RPH3AL: variants seen among roughly 807,000 people sequenced by gnomAD.
RPH3AL encodes the protein rab effector Noc2.
In RPH3AL, 38 loss-of-function variants were observed where a neutral mutation model predicts 43.1. The observed-to-expected ratio is 0.88, with a 90% confidence interval of 0.68 to 1.15. The LOEUF (loss-of-function observed/expected upper bound fraction) is 1.15. RPH3AL is among the 50% of genes most tolerant of loss of function. RPH3AL has a pLI of 0.00. For missense variants in RPH3AL, 462 were observed against 423.2 expected, an observed-to-expected ratio of 1.09 and a Z score of -0.81; for synonymous variants, 189 against 176.3, an observed-to-expected ratio of 1.07 and a Z score of -0.57.
chr17:311,108 G>A (rs924736633), intron 5 of RPH3AL, among the ~76,000 whole-genome samples: 2 of 152,000 alleles, frequency 1.3e-5, no homozygotes, highest in South Asian at 4.2e-4. Flanking sequence ...AATGCAGCTC[G>A]TCCCCTGAAA....
intron 5 of RPH3AL, among the ~76,000 whole-genome samples, chr17:315,678 C>G (rs1555520274): frequency 3.3e-4 from 50 of 150,698 alleles, no homozygotes; most frequent in Middle Eastern, 3.4e-3. Context: ...ACCTGTAGTC[C>G]CTGTGACCCC....
At chr17:252,758 T>G (rs73971672) in intron 6 of RPH3AL, among the ~76,000 whole-genome samples, 107 of 152,308 alleles carry the variant, frequency 7.0e-4, no homozygotes, top group African/African-American at 2.5e-3. Context: ...GGGACAGAAG[T>G]GCTTCAGATT....
At chr17:293,706 A>G (rs1473106252) in intron 5 of RPH3AL, among the ~76,000 whole-genome samples, 1 of 152,154 alleles carries the variant, frequency 6.6e-6, no homozygotes, top group Non-Finnish European at 1.5e-5. Flanking sequence ...GGATGGCTAA[A>G]TCAGAAGGTG....
chr17:332,294 G>A (rs1308640758), intron 2 of RPH3AL: 21 of 257,674 alleles, frequency 8.1e-5, no homozygotes, highest in East Asian at 1.9e-4. Context: ...GTGTGTGCGC[G>A]TGTGTGTGTA....
chr17:321,586 C>T (rs561554211), intron 3 of RPH3AL, 171 bp from the exon 4 acceptor site: 8 of 565,262 alleles, frequency 1.4e-5, no homozygotes, highest in Middle Eastern at 4.7e-4. Context: ...CAGAGATGGC[C>T]CAGGTGGCAA....
intron 6 of RPH3AL, among the ~76,000 whole-genome samples, chr17:275,259 A>G (rs2042627223): frequency 6.6e-6 from 1 of 150,932 alleles, no homozygotes. Context: ...CAAAAAAAGG[A>G]GAGTAACCAA....
At chr17:234,501 T>G (rs554537271) in intron 7 of RPH3AL, 1 of 162,588 alleles carries the variant, frequency 6.2e-6, no homozygotes, top group African/African-American at 2.4e-5. Context: ...TCTCCACATT[T>G]AAACTAGTTG....
chr17:223,574 T>C (rs370852808), intron 7 of RPH3AL, among the ~76,000 whole-genome samples: 6 of 152,222 alleles, frequency 3.9e-5, no homozygotes, highest in African/African-American at 1.4e-4. Context: ...CTGCGGTGGC[T>C]AGCACGTTTC....
rs781654993 is a variant in RPH3AL, at chr17:235,494, C to T, written c.613+11617G>A. Among the ~76,000 whole-genome samples, 358 of 99,970 alleles carry T rather than the reference C, an allele frequency of 3.6e-3. 2 individuals are homozygous for T. The highest frequency in any genetic ancestry group is 9.1e-3 in the Middle Eastern group (1 of 110). The allele number at this position is 99,970 out of a possible 152,430, so 65.6% of individuals were successfully genotyped here. The stretch of plus-strand genomic sequence containing the variant: ...CGGCCGAGGCTCTGCACTAACAAGA[C>T]GGATCCAGGGTTCAAAGCTGGGGTC... On this transcript the variant is annotated intron_variant, in intron 7 of 9. Transcript: ENST00000331302.
At chr17:331,316 G>T in intron 2 of RPH3AL, 2 of 315,566 alleles carry the variant, frequency 6.3e-6, no homozygotes, top group East Asian at 8.8e-5. Context: ...AGAGATCAAG[G>T]GAGACGGAAG....
chr17:333,097 C>A lies in RPH3AL; in HGVS notation c.-37+662G>T. On this transcript the variant is annotated intron_variant, in intron 2 of 9. Transcript: ENST00000331302. This position sits in a 1 kb window ranked among gnomAD's most constrained non-coding sequence, Gnocchi z 4.5. The stretch of plus-strand genomic sequence containing the variant: ...CTCTAAAGTCGAGAGCTCACCACCC[C>A]GGGCGTTCGTCACTGCAGACATCAC... 1 of 1,283,608 alleles carries A rather than the reference C, an allele frequency of 7.8e-7. No homozygotes were observed. The highest frequency in any genetic ancestry group is 1.0e-6 in the Non-Finnish European group (1 of 986,318). The allele number at this position is 1,283,608 out of a possible 1,614,324, so 79.5% of individuals were successfully genotyped here.
Position 290,000 on chromosome 17 carries a change from C to A in RPH3AL, c.352-8146G>T, listed in dbSNP as rs950809309. 2.0e-5 allele frequency among the ~76,000 whole-genome samples: 3 copies of A among 152,230 alleles called. No homozygotes were observed. The highest frequency in any genetic ancestry group is 7.2e-5 in the African/African-American group (3 of 41,468). On this transcript the variant is annotated intron_variant, in intron 5 of 9. Transcript: ENST00000331302. The surrounding 1 kb of genome is among the most constrained non-coding windows in gnomAD (Gnocchi z 5.2). ...GCCGTCATCTTCCCAAGGGCAGAGGCCACGTCTATTTCTGTTCACCCTCCT... is the reference window on the plus strand; with the variant it reads ...GCCGTCATCTTCCCAAGGGCAGAGGACACGTCTATTTCTGTTCACCCTCCT...
intron 5 of RPH3AL, among the ~76,000 whole-genome samples, chr17:309,455 CTT>C (rs2043580971): frequency 6.6e-6 from 1 of 152,066 alleles, no homozygotes; most frequent in African/African-American, 2.4e-5. Context: ...CGGCACATCC[CTT>C]GTCCAGGGCT....
chr17:313,568 C>G (rs1384429743), intron 5 of RPH3AL, among the ~76,000 whole-genome samples: 1 of 152,146 alleles, frequency 6.6e-6, no homozygotes, highest in Non-Finnish European at 1.5e-5. Flanking sequence ...GGCCTGAGCT[C>G]AGAGAGGCCC....
intron 6 of RPH3AL, among the ~76,000 whole-genome samples, chr17:275,708 G>T (rs1945109730): frequency 6.6e-6 from 1 of 152,088 alleles, no homozygotes; most frequent in Admixed American, 6.6e-5. Flanking sequence ...CACTATACCT[G>T]GCTAATGTGG....
intron 5 of RPH3AL, among the ~76,000 whole-genome samples, chr17:315,227 C>CCACCTCCATTGACCTGTAGTCCCTGTGAT (rs2043934579): frequency 3.7e-5 from 1 of 26,780 alleles, no homozygotes; most frequent in African/African-American, 1.0e-4. Flanking sequence ...TCTCTGTGCC[C>CCACCTCCATTGACCTGTAGTCCCTGTGAT]CCACCTTCAT....
chr17:307,922 G>A (rs956416539), intron 5 of RPH3AL, among the ~76,000 whole-genome samples: 9 of 152,216 alleles, frequency 5.9e-5, no homozygotes, highest in Non-Finnish European at 1.0e-4. Flanking sequence ...CCAAGATGCC[G>A]TGCGGTGTCT....
chr17:226,902 A>G (rs1466956192), intron 7 of RPH3AL, among the ~76,000 whole-genome samples: 1 of 151,944 alleles, frequency 6.6e-6, no homozygotes, highest in Non-Finnish European at 1.5e-5. Flanking sequence ...TTTTCTCTCT[A>G]ATTCTCCAAA....
chr17:316,402 C>G (rs560759532), intron 5 of RPH3AL, among the ~76,000 whole-genome samples: 1 of 151,186 alleles, frequency 6.6e-6, no homozygotes, highest in South Asian at 2.1e-4. Flanking sequence ...CCTCCATTGT[C>G]CTGTAGTCCC....
Sources: gnomAD v4.1 joint callset for allele counts (sites outside exome capture counted in the v4.1 genomes callset) on GRCh38, gnomAD v4.1.1 for gene constraint, Gnocchi (gnomAD v3.1) non-coding constraint, MANE v1.5 for transcripts, NCBI Gene and HGNC (gene_info 2026-07-23, HGNC 2026-07-21) for gene names.